PRKCE: variants seen among roughly 807,000 people sequenced by gnomAD.
PRKCE encodes the protein protein kinase C epsilon type.
Under a neutral mutation model 85.4 loss-of-function variants are expected in PRKCE, and 16 were observed. The ratio of observed to expected loss-of-function variants is 0.19; its 90% CI spans 0.13 to 0.28. The LOEUF (loss-of-function observed/expected upper bound fraction) is 0.28. Among genes scored for constraint, PRKCE ranks in the 10% least tolerant of loss-of-function variants. The probability of loss-of-function intolerance (pLI) is 1.00; values close to 1 mark genes in which losing one functional copy is unlikely to be tolerated. For missense variants in PRKCE, 573 were observed against 975.2 expected (o/e 0.59, Z 5.49); for synonymous variants, 388 against 371.5 (o/e 1.04, Z -0.51).
chr2:46,165,504 CT>C (rs1678251411), intron 14 of PRKCE, among the ~76,000 whole-genome samples: 1 of 152,256 alleles, frequency 6.6e-6, no homozygotes, highest in Non-Finnish European at 1.5e-5. Context: ...GCCTTCGATG[CT>C]GGAGAAAATC....
At chr2:45,963,272 C>T (rs1030869991) in intron 2 of PRKCE, among the ~76,000 whole-genome samples, 1 of 152,226 alleles carries the variant, frequency 6.6e-6, no homozygotes, top group East Asian at 1.9e-4. Context: ...TAATTACCAG[C>T]TCAGACTGGG....
chr2:45,938,991 C>G (rs189121241), intron 2 of PRKCE, among the ~76,000 whole-genome samples: 36 of 152,308 alleles, frequency 2.4e-4, no homozygotes, highest in Admixed American at 1.7e-3. Flanking sequence ...GCGCAGTAGG[C>G]TAATTCCACG....
intron 10 of PRKCE, among the ~76,000 whole-genome samples, chr2:46,023,351 T>G (rs1706841709): frequency 6.6e-6 from 1 of 152,220 alleles, no homozygotes; most frequent in Non-Finnish European, 1.5e-5. Context: ...GGGCCAACCC[T>G]GTAACCTGTT....
chr2:45,662,862 A>AGC (rs1675736926), intron 1 of PRKCE, among the ~76,000 whole-genome samples: 1 of 117,454 alleles, frequency 8.5e-6, no homozygotes, highest in Non-Finnish European at 1.9e-5. Context: ...GTACTCTGAA[A>AGC]ACAAGCAAGC....
chr2:45,771,050 A>G (rs1407706106), intron 1 of PRKCE, among the ~76,000 whole-genome samples: 1 of 152,130 alleles, frequency 6.6e-6, no homozygotes, highest in Non-Finnish European at 1.5e-5. Flanking sequence ...TGGGTTGACT[A>G]ATCAGTGGAT....
At chr2:45,897,673 G>A (rs1696255853) in intron 2 of PRKCE, among the ~76,000 whole-genome samples, 1 of 152,124 alleles carries the variant, frequency 6.6e-6, no homozygotes. Flanking sequence ...GAGATTATTT[G>A]TTTCCTGCCT....
chr2:45,857,239 G>A (rs1234606925), intron 2 of PRKCE, among the ~76,000 whole-genome samples: 1 of 152,240 alleles, frequency 6.6e-6, no homozygotes, highest in African/African-American at 2.4e-5. Flanking sequence ...AGTCAAAGGA[G>A]TGAAAGTTGA....
chr2:45,854,315 A>T (rs2105586603), intron 2 of PRKCE, among the ~76,000 whole-genome samples: 1 of 152,242 alleles, frequency 6.6e-6, no homozygotes, highest in African/African-American at 2.4e-5. Flanking sequence ...TCCAGTGGGG[A>T]ACCAGACCTA....
At chr2:45,867,376 A>G (rs540527222) in intron 2 of PRKCE, among the ~76,000 whole-genome samples, 5 of 152,364 alleles carry the variant, frequency 3.3e-5, no homozygotes, top group Admixed American at 2.6e-4. Context: ...GTATAAGTAT[A>G]TTCCATGCAA....
In PRKCE at chr2:46,027,530, CATATTTTACATATTCTCATTCGTAGGT is replaced by C. The variant is rs751629246; in HGVS notation, c.1437+17024_1437+17050del. On this transcript the variant is annotated intron_variant, in intron 10 of 14. Transcript: ENST00000306156. ...TTATTTGATCTTTAAAATGCATATGCATATTTTACATATTCTCATTCGTAGGTATATTTTACAATAAGGCAGGGAAGG... is the reference window on the plus strand; with the variant it reads ...TTATTTGATCTTTAAAATGCATATGCATATTTTACAATAAGGCAGGGAAGG... Among the ~76,000 whole-genome samples the C allele has an allele frequency of 8.0e-4, 122 of 152,202 alleles. 1 individual carries two copies. Among genetic ancestry groups the C allele is most frequent in the Non-Finnish European group, 1.3e-3 (89 of 68,020 alleles).
At chr2:46,070,107 C>T (rs1360119710) in intron 10 of PRKCE, among the ~76,000 whole-genome samples, 1 of 152,200 alleles carries the variant, frequency 6.6e-6, no homozygotes, top group Non-Finnish European at 1.5e-5. Flanking sequence ...TACAAAGCAG[C>T]CCACTGTATG....
intron 14 of PRKCE, chr2:46,167,929 A>C (rs1177157175): frequency 6.6e-6 from 1 of 152,178 alleles, no homozygotes; most frequent in Non-Finnish European, 1.5e-5. Context: ...CAGGCTCCCA[A>C]ATATTTCTAA....
chr2:45,884,982 TATATATA>T (rs1558793083), intron 2 of PRKCE, among the ~76,000 whole-genome samples: 5 of 72,228 alleles, frequency 6.9e-5, no homozygotes, highest in East Asian at 1.6e-3. Flanking sequence ...TATATATATA[TATATATA>T]TATATATATA....
intron 6 of PRKCE, among the ~76,000 whole-genome samples, chr2:45,987,445 A>T (rs930713234): frequency 6.6e-6 from 1 of 151,276 alleles, no homozygotes; most frequent in African/African-American, 2.4e-5. Flanking sequence ...CTGTTCTGTG[A>T]CCCTCTCCTT....
intron 2 of PRKCE, among the ~76,000 whole-genome samples, chr2:45,957,604 T>C (rs1223459639): frequency 6.6e-6 from 1 of 152,188 alleles, no homozygotes; most frequent in Non-Finnish European, 1.5e-5. Context: ...GATAATGAGG[T>C]CTAGATAGTT....
intron 2 of PRKCE, among the ~76,000 whole-genome samples, chr2:45,944,875 C>T (rs1355311398): frequency 2.6e-5 from 4 of 152,052 alleles, no homozygotes; most frequent in East Asian, 1.9e-4. Flanking sequence ...TTTAGGTTGG[C>T]GGATTCCCTT....
chr2:46,080,225 CA>C (rs577751958), intron 10 of PRKCE, among the ~76,000 whole-genome samples: 2 of 152,128 alleles, frequency 1.3e-5, no homozygotes, highest in Non-Finnish European at 2.9e-5. Flanking sequence ...CACCCTGCAT[CA>C]AAACATGCTT....
intron 10 of PRKCE, among the ~76,000 whole-genome samples, chr2:46,085,750 T>TTTTG (rs1669567661): frequency 8.3e-5 from 3 of 36,018 alleles, no homozygotes; most frequent in African/African-American, 3.7e-4. Context: ...TTTTTTTTTG[T>TTTTG]TTTTGTTTTT....
chr2:45,901,977 G>A (rs1031552037), intron 2 of PRKCE, among the ~76,000 whole-genome samples: 1 of 152,154 alleles, frequency 6.6e-6, no homozygotes, highest in African/African-American at 2.4e-5. Flanking sequence ...TAGTGAAGTG[G>A]TATTTTCCAG....
Sources: allele counts gnomAD v4.1 joint callset (sites outside exome capture counted in the v4.1 genomes callset), GRCh38; gene constraint gnomAD v4.1.1; transcripts MANE v1.5; gene names NCBI Gene and HGNC (gene_info 2026-07-23, HGNC 2026-07-21).